The following SNX16 variants were observed in gnomAD, a reference collection of about 807,000 sequenced individuals.
SNX16 encodes sorting nexin 16, also known as sorting nexin-16.
In SNX16, 35 loss-of-function variants were observed where a neutral mutation model predicts 36.7. The ratio of observed to expected loss-of-function variants is 0.95; its 90% CI spans 0.73 to 1.27. The LOEUF (loss-of-function observed/expected upper bound fraction) is 1.27. Ranked by LOEUF, SNX16 falls within the 50% of genes most tolerant of loss-of-function variation. The pLI, the probability that SNX16 is intolerant of heterozygous loss-of-function variation, is 0.00. For missense variants in SNX16, 367 were observed against 393.6 expected, an observed-to-expected ratio of 0.93 and a Z score of 0.57; for synonymous variants, 134 against 132.0, an observed-to-expected ratio of 1.02 and a Z score of -0.10.
chr8:81,802,544 A>T (rs769804684), intron 6 of SNX16, 45 bp from the exon 7 acceptor site: 1 of 1,554,008 alleles, frequency 6.4e-7, no homozygotes, highest in South Asian at 1.2e-5. Flanking sequence ...TGAACAAAAC[A>T]GGCATATGTT....
At chr8:81,839,494 A>G (rs1811638716) in intron 2 of SNX16, 118 bp downstream of exon 2, 1 of 1,091,008 alleles carries the variant, frequency 9.2e-7, no homozygotes, top group Admixed American at 2.4e-5. Context: ...AAAAACCATT[A>G]GAATTTCATA....
intron 5 of SNX16, among the ~76,000 whole-genome samples, chr8:81,805,373 A>G (rs1809884094): frequency 6.6e-6 from 1 of 152,166 alleles, no homozygotes; most frequent in Non-Finnish European, 1.5e-5. Flanking sequence ...AAAGAACTGT[A>G]TAATACTAGA....
In SNX16 at chr8:81,803,226, T is replaced by A. The variant is rs766520808; in HGVS notation, c.684A>T (p.Ala228=). The A allele has an allele frequency of 6.3e-7, 1 of 1,593,114 alleles. No individual in the cohort carries two copies. Among genetic ancestry groups the A allele is most frequent in the South Asian group, 1.1e-5 (1 of 87,024 alleles). Residue 228 remains alanine (A), a splice_region_variant and synonymous_variant, in exon 6 of 8, where the codon GCA becomes GCT. Coordinates refer to ENST00000345957, the MANE Select transcript of SNX16 (RefSeq NM_152836.3). ...TTGTCTCTTCTAAAGTTTCACAGAA[T>A]GCCTTAAAAAAAACAACAAACAAAA... ...GPFDSLEESR[A]FCETLEETNY...
chr8:81,807,750 AGT>A, intron 5 of SNX16: 1 of 663,580 alleles, frequency 1.5e-6, no homozygotes, highest in African/African-American at 1.8e-5. Context: ...GCATTGTTAA[AGT>A]CTCTCTTCTC....
At chr8:81,822,597 G>C (rs1480364492) in intron 4 of SNX16, among the ~76,000 whole-genome samples, 1 of 151,960 alleles carries the variant, frequency 6.6e-6, no homozygotes, top group Admixed American at 6.6e-5. Context: ...GGCAGGGATG[G>C]AGAGAAGTAG....
intron 7 of SNX16, 26 bp downstream of exon 7, chr8:81,802,354 G>A (rs780555727): frequency 1.2e-5 from 18 of 1,560,712 alleles, no homozygotes; most frequent in Non-Finnish European, 1.6e-5. Flanking sequence ...CAAGAATTAA[G>A]CTATCATAAA....
chr8:81,820,204 CT>C (rs1470325253), intron 4 of SNX16, among the ~76,000 whole-genome samples: 9 of 147,860 alleles, frequency 6.1e-5, no homozygotes, highest in African/African-American at 2.0e-4. Flanking sequence ...GAGATTTTGT[CT>C]TTTTTCCTTT....
chr8:81,831,693 C>CA (rs754113806), intron 2 of SNX16, among the ~76,000 whole-genome samples: 2,403 of 80,698 alleles, frequency 0.03, 41 homozygotes, highest in Middle Eastern at 0.038. Context: ...GAGACTCCGT[C>CA]AAAAAAAAAA....
chr8:81,833,774 G>C (rs927507834), intron 2 of SNX16, among the ~76,000 whole-genome samples: 1 of 152,128 alleles, frequency 6.6e-6, no homozygotes, highest in African/African-American at 2.4e-5. Context: ...ATCTCTTCTA[G>C]AAAGTGCTTT....
At chr8:81,830,291 C>T (rs1234762070) in intron 2 of SNX16, among the ~76,000 whole-genome samples, 7 of 151,958 alleles carry the variant, frequency 4.6e-5, no homozygotes, top group African/African-American at 9.7e-5. Context: ...ATCACAGGGC[C>T]GGGTGTGGTG....
Position 81,840,056 on chromosome 8 carries a change from A to G in SNX16, c.-70T>C, listed in dbSNP as rs12056632. The stretch of plus-strand genomic sequence containing the variant: ...TTAGAGAACAACTAATATGCAATCC[A>G]TTATTTTCTTCTTAGGAATTCACTA... On this transcript the variant is annotated 5_prime_UTR_variant, in exon 2 of 8. An upstream start codon of the reference 5' UTR is lost. Coordinates refer to ENST00000345957, the MANE Select transcript of SNX16 (RefSeq NM_152836.3). 398,674 of 1,475,444 alleles carry G rather than the reference A, an allele frequency of 0.27. 56,372 individuals are homozygous for G. Among genetic ancestry groups the G allele is most frequent in the East Asian group, 0.4 (17,410 of 43,796 alleles). 91.4% of individuals were successfully genotyped at this position (1,475,444 alleles called of 1,614,324 possible). A position where few individuals can be genotyped will look rare whatever the true frequency, so the allele number is the denominator to read the frequency against.
intron 5 of SNX16, among the ~76,000 whole-genome samples, chr8:81,810,349 C>T (rs889514698): frequency 6.6e-6 from 1 of 151,944 alleles, no homozygotes; most frequent in South Asian, 2.1e-4. Flanking sequence ...AAAGATTTGC[C>T]GAACTGAGTA....
In SNX16 at chr8:81,819,251, G is replaced by C. The variant is rs149671097; in HGVS notation, c.612-3857C>G. On this transcript the variant is annotated intron_variant, in intron 4 of 7. Transcript: ENST00000345957. ...AATGGAGAATGGTAAAGTATTTGCTGTGCTGATTAATGACATAATAATTTA... is the reference window on the plus strand; with the variant it reads ...AATGGAGAATGGTAAAGTATTTGCTCTGCTGATTAATGACATAATAATTTA... Among the ~76,000 whole-genome samples the C allele has an allele frequency of 3.7e-3, 567 of 152,148 alleles. 2 individuals carry two copies. Among genetic ancestry groups the C allele is most frequent in the African/African-American group, 0.013 (539 of 41,540 alleles).
intron 2 of SNX16, among the ~76,000 whole-genome samples, chr8:81,836,945 A>G (rs920396765): frequency 6.6e-6 from 1 of 151,682 alleles, no homozygotes; most frequent in Non-Finnish European, 1.5e-5. Context: ...CATTCCCTAC[A>G]CCTCCCACAG....
intron 5 of SNX16, chr8:81,808,255 A>G (rs1810059946): frequency 8.4e-7 from 1 of 1,190,456 alleles, no homozygotes; most frequent in African/African-American, 1.5e-5. Context: ...CATGGATAAG[A>G]CGGTCATTCA....
At chr8:81,810,360 T>C (rs1238513318) in intron 5 of SNX16, among the ~76,000 whole-genome samples, 1 of 152,124 alleles carries the variant, frequency 6.6e-6, no homozygotes, top group Admixed American at 6.6e-5. Context: ...GAACTGAGTA[T>C]CCTTTGAATA....
At chr8:81,823,036 T>C (rs1002789573) in intron 4 of SNX16, among the ~76,000 whole-genome samples, 3 of 148,830 alleles carry the variant, frequency 2.0e-5, no homozygotes, top group South Asian at 2.1e-4. Flanking sequence ...AGGAAAAAAA[T>C]TGATACATGC....
chr8:81,833,437 G>A (rs1811355796), intron 2 of SNX16, among the ~76,000 whole-genome samples: 2 of 152,122 alleles, frequency 1.3e-5, no homozygotes, highest in South Asian at 4.1e-4. Context: ...ACATCTAAGG[G>A]TGGGAAACAA....
Position 81,801,565 on chromosome 8 carries a change from T to C in SNX16, c.967A>G (p.Ser323Gly), listed in dbSNP as rs1809689170. The C allele has an allele frequency of 2.0e-6, 3 of 1,525,872 alleles. No individual in the cohort carries two copies. Among genetic ancestry groups the C allele is most frequent in the Non-Finnish European group, 2.6e-6 (3 of 1,138,454 alleles). The allele number at this position is 1,525,872 out of a possible 1,614,324, so 94.5% of individuals were successfully genotyped here. Residue 323 changes from serine to glycine, a missense_variant, in exon 8 of 8, where the codon AGT becomes GGT. Coordinates refer to ENST00000345957, the MANE Select transcript of SNX16 (RefSeq NM_152836.3). ...RADNKPCLSF[S>G]EPENAVSEIE... ...TCTGATACAGCATTTTCAGGTTCAC[T>C]AAAACTTAAGCATGGTTTATTATCA...
Sources: allele counts gnomAD v4.1 joint callset (sites outside exome capture counted in the v4.1 genomes callset), GRCh38; gene constraint gnomAD v4.1.1; transcripts MANE v1.5; gene names NCBI Gene and HGNC (gene_info 2026-07-23, HGNC 2026-07-21).